The following PCDH9 variants were observed in gnomAD, a reference collection of about 807,000 sequenced individuals.
PCDH9 encodes protocadherin-9.
Under a neutral mutation model 70.6 loss-of-function variants are expected in PCDH9, and 24 were observed. That is an observed-to-expected ratio of 0.34 (90% CI 0.25 to 0.48). PCDH9 has a LOEUF of 0.48. Ranked by LOEUF, PCDH9 falls within the 20% of genes least tolerant of loss-of-function variation. The pLI, the probability that PCDH9 is intolerant of heterozygous loss-of-function variation, is 0.99. For synonymous variants in PCDH9, 562 were observed against 558.5 expected, an observed-to-expected ratio of 1.01 and a Z score of -0.09; for missense variants, 1,281 against 1,503.6, an observed-to-expected ratio of 0.85 and a Z score of 2.45.
chr13:67,212,445 T>C (rs1006004288), intron 2 of PCDH9: 14 of 151,982 alleles, frequency 9.2e-5, no homozygotes, highest in Non-Finnish European at 1.8e-4. Flanking sequence ...TTTTTTATCT[T>C]AAAAAAAATT....
chr13:66,502,782 TAGG>T (rs1314091227), intron 4 of PCDH9, among the ~76,000 whole-genome samples: 1 of 152,188 alleles, frequency 6.6e-6, no homozygotes, highest in Non-Finnish European at 1.5e-5. Flanking sequence ...TTTCGTCAAT[TAGG>T]AGTATACTAA....
chr13:66,410,280 A>C (rs1957347101), intron 4 of PCDH9, among the ~76,000 whole-genome samples: 1 of 151,840 alleles, frequency 6.6e-6, no homozygotes, highest in Admixed American at 6.6e-5. Flanking sequence ...GATTCTCTAT[A>C]TAAGGATTAG....
chr13:67,208,999 T>C (rs1566496993), intron 2 of PCDH9: 1 of 152,154 alleles, frequency 6.6e-6, no homozygotes. Flanking sequence ...GTGTAAGTAT[T>C]ATATATCTTT....
At position 66,342,617 on chromosome 13, in the gene PCDH9, C is replaced by G. The variant is rs553936331; in HGVS notation, c.3341-37589G>C. ...TTCAGTCTGTCTCCAGAGTCCTTTT[C>G]TTTCTCTTATGGTTTTTCTTTTTGA... On this transcript the variant is annotated intron_variant, in intron 4 of 4. Coordinates refer to ENST00000377865, the MANE Select transcript of PCDH9 (RefSeq NM_203487.3). Among the ~76,000 whole-genome samples the G allele has an allele frequency of 3.9e-5, 6 of 151,984 alleles. No homozygotes were observed. In the East Asian group the frequency reaches 1.2e-3, roughly 29 times the overall value.
chr13:66,393,962 A>G (rs759225841), intron 4 of PCDH9, among the ~76,000 whole-genome samples: 29 of 152,316 alleles, frequency 1.9e-4, no homozygotes, highest in Non-Finnish European at 3.2e-4. Context: ...AATTTGTACA[A>G]TGCTAAGGCA....
At chr13:66,569,116 C>T (rs912470544) in intron 4 of PCDH9, among the ~76,000 whole-genome samples, 10 of 148,400 alleles carry the variant, frequency 6.7e-5, no homozygotes, top group African/African-American at 2.3e-4. Context: ...ATTATCTTGC[C>T]TCAGCCTCCC....
In PCDH9 at chr13:66,563,713, G is replaced by A. The variant is rs113287666; in HGVS notation, c.3340+67497C>T. 3.8e-3 allele frequency among the ~76,000 whole-genome samples: 585 copies of A among 152,130 alleles called. 6 individuals are homozygous for A. Among genetic ancestry groups the A allele is most frequent in the African/African-American group, 0.013 (560 of 41,502 alleles). On this transcript the variant is annotated intron_variant, in intron 4 of 4. Transcript: ENST00000377865. ...AAGACATTCACATGATTATATTTGC[G>A]AATGCTCTTTGCCAAAACCATTCCT...
chr13:66,336,422 A>G (rs938663616), intron 4 of PCDH9, among the ~76,000 whole-genome samples: 1 of 152,006 alleles, frequency 6.6e-6, no homozygotes, highest in African/African-American at 2.4e-5. Context: ...TGAATTAGAG[A>G]GATGATGTCA....
intron 4 of PCDH9, among the ~76,000 whole-genome samples, chr13:66,430,080 C>T (rs1957744255): frequency 6.6e-6 from 1 of 151,992 alleles, no homozygotes. Context: ...AAAGTTTCTT[C>T]TCTGTTTTTA....
chr13:66,547,295 T>C (rs771361039), intron 4 of PCDH9, among the ~76,000 whole-genome samples: 17 of 152,186 alleles, frequency 1.1e-4, no homozygotes, highest in Non-Finnish European at 2.4e-4. Context: ...AATCTGAGGG[T>C]ATTATATGCC....
rs73509435 is a variant in PCDH9 at position 67,117,273 on chromosome 13, G to A, written c.3036+108132C>T. ...CCAGCTGAATTGAGCTATTGAAGGC[G>A]AGAGTAGGGAATTAATTGTGTTCTC... is the stretch of plus-strand genomic sequence containing the variant. On this transcript the variant is annotated intron_variant, in intron 2 of 4. Transcript: ENST00000377865. Among the ~76,000 whole-genome samples, 252 of 152,280 alleles carry A rather than the reference G, an allele frequency of 1.7e-3. 1 individual carries two copies. The highest frequency in any genetic ancestry group is 5.9e-3 in the African/African-American group (244 of 41,574).
chr13:66,554,724 A>T (rs1961648207), intron 4 of PCDH9, among the ~76,000 whole-genome samples: 1 of 152,168 alleles, frequency 6.6e-6, no homozygotes, highest in Non-Finnish European at 1.5e-5. Context: ...AAAGAAAGAG[A>T]TACTAAAGAT....
intron 2 of PCDH9, among the ~76,000 whole-genome samples, chr13:66,945,806 G>A (rs574551173): frequency 2.0e-5 from 3 of 152,200 alleles, no homozygotes; most frequent in African/African-American, 7.2e-5. Flanking sequence ...CAGATACCAG[G>A]ATTCTTGTAT....
chr13:66,750,356 C>T (rs961069486), intron 3 of PCDH9, among the ~76,000 whole-genome samples: 1 of 151,614 alleles, frequency 6.6e-6, no homozygotes, highest in Non-Finnish European at 1.5e-5. Context: ...TCTCATTCTC[C>T]AAGAATGAGA....
At chr13:66,615,303 ATCT>A (rs1566457137) in intron 4 of PCDH9, among the ~76,000 whole-genome samples, 1 of 152,148 alleles carries the variant, frequency 6.6e-6, no homozygotes. Context: ...ATGATGCTCA[ATCT>A]TCTTTAGGTT....
intron 2 of PCDH9, among the ~76,000 whole-genome samples, chr13:67,009,817 A>G (rs1016678727): frequency 3.9e-5 from 6 of 151,950 alleles, no homozygotes; most frequent in Non-Finnish European, 5.9e-5. Context: ...TGTTGAATGT[A>G]TTAAATACAA....
chr13:66,706,376 A>T (rs1434726660), intron 3 of PCDH9, among the ~76,000 whole-genome samples: 1 of 152,164 alleles, frequency 6.6e-6, no homozygotes, highest in Non-Finnish European at 1.5e-5. Context: ...GCAAATTTGG[A>T]CGAGTTCCTT....
At chr13:66,505,685 G>GAGACTTACTC (rs1188551957) in intron 4 of PCDH9, among the ~76,000 whole-genome samples, 1 of 152,114 alleles carries the variant, frequency 6.6e-6, no homozygotes, top group Non-Finnish European at 1.5e-5. Context: ...CAGATCTCAT[G>GAGACTTACTC]AGACTTACTC....
At chr13:66,696,171 GTGA>G (rs2078559734) in intron 3 of PCDH9, among the ~76,000 whole-genome samples, 1 of 152,052 alleles carries the variant, frequency 6.6e-6, no homozygotes, top group South Asian at 2.1e-4. Context: ...TATACTGTAA[GTGA>G]TGAGTGAATA....
Sources: allele counts gnomAD v4.1 joint callset (sites outside exome capture counted in the v4.1 genomes callset), GRCh38; gene constraint gnomAD v4.1.1; transcripts MANE v1.5; gene names NCBI Gene and HGNC (gene_info 2026-07-23, HGNC 2026-07-21).